Variants in ACAT2 observed in about 807,000 individuals in gnomAD.
ACAT2 encodes the protein acetyl-CoA acetyltransferase 2, also known as acetyl-CoA acetyltransferase, cytosolic.
Under a neutral mutation model 37.1 loss-of-function variants are expected in ACAT2, and 26 were observed. The observed-to-expected ratio is 0.70, with a 90% CI of 0.51 to 0.97. The LOEUF is 0.97. Among genes scored for constraint, ACAT2 ranks in the 50% least tolerant of loss-of-function variants. The pLI, the probability that ACAT2 is intolerant of heterozygous loss-of-function variation, is 0.00. For synonymous variants in ACAT2, 156 were observed against 163.6 expected (o/e 0.95, Z 0.35); for missense variants, 468 against 489.0 (o/e 0.96, Z 0.40).
chr6:159,764,125 C>T (rs2114975238), intron 2 of ACAT2, among the ~76,000 whole-genome samples: 1 of 151,902 alleles, frequency 6.6e-6, no homozygotes, highest in South Asian at 2.1e-4. Context: ...GAAGAAGCAG[C>T]AGCAGGGCCA....
chr6:159,762,611 C>T, intron 1 of ACAT2: 2 of 1,402,258 alleles, frequency 1.4e-6, no homozygotes, highest in Non-Finnish European at 1.9e-6. Flanking sequence ...ACGCCCTTGA[C>T]CCGCCGGTTC....
rs1410724740 is a variant in ACAT2 at position 159,779,004 on chromosome 6, C to T, written c.*175C>T. On this transcript the variant is annotated 3_prime_UTR_variant, in exon 9 of 9. Coordinates refer to ENST00000367048, the MANE Select transcript of ACAT2 (RefSeq NM_005891.3). The stretch of plus-strand genomic sequence containing the variant: ...GTAATACTCAACTCAAGGTACAAGA[C>T]AATTGCATTTAACATTGTTATAAAT... The T allele has an allele frequency of 8.8e-6, 14 of 1,594,106 alleles. No individual in the cohort carries two copies. In the African/African-American group the frequency reaches 1.9e-4, roughly 21 times the overall value.
intron 4 of ACAT2, among the ~76,000 whole-genome samples, chr6:159,771,824 A>T (rs1488628751): frequency 6.6e-6 from 1 of 152,094 alleles, no homozygotes; most frequent in Non-Finnish European, 1.5e-5. Context: ...CAAGAGTTTG[A>T]GTCTAGCCTG....
At chr6:159,773,545 G>T (rs1375629621) in intron 4 of ACAT2, among the ~76,000 whole-genome samples, 1 of 152,184 alleles carries the variant, frequency 6.6e-6, no homozygotes, top group Non-Finnish European at 1.5e-5. Flanking sequence ...GTGGAATTTT[G>T]AACAATTTGA....
intron 5 of ACAT2, 67 bp downstream of exon 5, chr6:159,775,380 T>C: frequency 6.6e-7 from 1 of 1,518,038 alleles, no homozygotes; most frequent in Non-Finnish European, 9.0e-7. Context: ...AAAAGAGTAA[T>C]ACATAGGAAT....
chr6:159,771,818 A>T (rs1780341405), intron 4 of ACAT2, among the ~76,000 whole-genome samples: 2 of 152,106 alleles, frequency 1.3e-5, no homozygotes, highest in South Asian at 4.1e-4. Flanking sequence ...TGAGTCCAAG[A>T]GTTTGAGTCT....
intron 2 of ACAT2, among the ~76,000 whole-genome samples, chr6:159,765,214 C>G (rs570341587): frequency 3.1e-4 from 47 of 151,410 alleles, no homozygotes; most frequent in African/African-American, 1.0e-3. Flanking sequence ...CTCCCGGGTT[C>G]CAGTGATTCT....
rs1341997337 is a variant in ACAT2 at position 159,778,244 on chromosome 6, T to C, written c.987T>C (p.Ala329=). The C allele has an allele frequency of 1.1e-5, 17 of 1,611,770 alleles. No individual in the cohort carries two copies. In the East Asian group the frequency reaches 3.8e-4, roughly 36 times the overall value. Residue 329 remains alanine, a synonymous_variant, in exon 8 of 9, where the codon GCT becomes GCC. Transcript: ENST00000367048. ...ATGAAGCCTTTGCAGCTGTCTCTGC[T>C]GCAATAGTTAAAGAACTTGGATTAA... ...EINEAFAAVS[A]AIVKELGLNP... is the part of the protein sequence containing the mutation.
chr6:159,767,144 C>T lies in ACAT2; in HGVS notation c.330C>T (p.Asp110=), dbSNP rs1306114550. The stretch of plus-strand genomic sequence containing the variant: ...CAGTCCAGTCAATAGGGATAGGAGA[C>T]TCCAGCATTGTGGTTGCAGGAGGCA... The part of the protein sequence containing the change: ...CLAVQSIGIG[D]SSIVVAGGME... The change falls in exon 3 of 9, where the codon GAC becomes GAT. Residue 110 remains aspartate (D), a synonymous_variant. Transcript: ENST00000367048. 2 of 1,614,198 alleles carry T rather than the reference C, an allele frequency of 1.2e-6. No homozygotes were observed. Among genetic ancestry groups the T allele is most frequent in the Non-Finnish European group, 1.7e-6 (2 of 1,180,044 alleles).
chr6:159,777,972 G>A (rs928182650), intron 7 of ACAT2, among the ~76,000 whole-genome samples, 198 bp from the exon 8 acceptor site: 1 of 152,166 alleles, frequency 6.6e-6, no homozygotes, highest in Non-Finnish European at 1.5e-5. Context: ...GGATCTTTTA[G>A]ATCACACCCT....
chr6:159,776,314 A>G (rs750539386), intron 6 of ACAT2, 42 bp downstream of exon 6: 4 of 1,599,150 alleles, frequency 2.5e-6, no homozygotes, highest in South Asian at 1.1e-5. Flanking sequence ...ACTATGTTCT[A>G]TAATGTCTAC....
intron 4 of ACAT2, among the ~76,000 whole-genome samples, chr6:159,771,420 G>C (rs1780334942): frequency 6.6e-6 from 1 of 152,016 alleles, no homozygotes; most frequent in African/African-American, 2.4e-5. Context: ...TTGGTGGTCT[G>C]CAGGACAAAA....
In ACAT2 at chr6:159,767,106, G is replaced by C; in HGVS notation, c.292G>C (p.Ala98Pro). The C allele has an allele frequency of 6.2e-7, 1 of 1,614,196 alleles. No individual in the cohort carries two copies. Among genetic ancestry groups the C allele is most frequent in the East Asian group, 2.2e-5 (1 of 44,886 alleles). ...CQMICGSGLK[A>P]VCLAVQSIGI... is the part of the protein sequence containing the mutation. ...GATGATCTGTGGGTCAGGCCTAAAA[G>C]CTGTGTGCCTTGCAGTCCAGTCAAT... Residue 98 changes from alanine to proline, a missense_variant, in exon 3 of 9, where the codon GCT (alanine) becomes CCT (proline). Ala to Pro is a conservative substitution (Grantham distance 27, BLOSUM62 -1). Transcript: ENST00000367048.
At chr6:159,765,516 C>G (rs1335579860) in intron 2 of ACAT2, among the ~76,000 whole-genome samples, 1 of 151,992 alleles carries the variant, frequency 6.6e-6, no homozygotes, top group African/African-American at 2.4e-5. Flanking sequence ...ACTGCAACCT[C>G]TGTCTCAGGT....
intron 6 of ACAT2, among the ~76,000 whole-genome samples, chr6:159,776,948 CG>C (rs1562479857): frequency 6.6e-6 from 1 of 152,102 alleles, no homozygotes; most frequent in African/African-American, 2.4e-5. Context: ...ACCACCACAC[CG>C]GCTGATTTTT....
At chr6:159,775,441 T>C in intron 5 of ACAT2, 128 bp downstream of exon 5, 2 of 1,106,286 alleles carry the variant, frequency 1.8e-6, no homozygotes, top group East Asian at 5.1e-5. Context: ...ATATATGTCC[T>C]GGATACATGA....
chr6:159,762,858 A>G, intron 1 of ACAT2, 61 bp from the exon 2 acceptor site: 3 of 1,597,578 alleles, frequency 1.9e-6, no homozygotes, highest in Admixed American at 3.4e-5. Flanking sequence ...CCCTGCTCGT[A>G]GGTGGTTCCC....
At chr6:159,762,627 G>T in intron 1 of ACAT2, 1 of 1,421,478 alleles carries the variant, frequency 7.0e-7, no homozygotes, top group Non-Finnish European at 9.3e-7. Context: ...GGTTCCTTTT[G>T]TTTGGGAAGC....
At chr6:159,763,710 G>T (rs1486710860) in intron 2 of ACAT2, among the ~76,000 whole-genome samples, 7 of 128,158 alleles carry the variant, frequency 5.5e-5, no homozygotes, top group African/African-American at 2.1e-4. Flanking sequence ...CGTGATCTCG[G>T]CTCACTGCAA....
Sources: gnomAD v4.1 joint callset for allele counts (sites outside exome capture counted in the v4.1 genomes callset) on GRCh38, gnomAD v4.1.1 for gene constraint, MANE v1.5 for transcripts, NCBI Gene and HGNC (gene_info 2026-07-23, HGNC 2026-07-21) for gene names.